CFAP46: variants seen among roughly 807,000 people sequenced by gnomAD.
The protein encoded by CFAP46 is cilia- and flagella-associated protein 46.
CFAP46 carries 245 observed loss-of-function variants against 325.7 expected under a neutral mutation model. That is an observed-to-expected ratio of 0.75 (90% CI 0.68 to 0.84). The LOEUF (loss-of-function observed/expected upper bound fraction) is 0.84, where lower values mean the gene tolerates loss of function less well. Ranked by LOEUF, CFAP46 falls within the 40% of genes least tolerant of loss-of-function variation. The pLI is 0.00. For synonymous variants in CFAP46, 1,523 were observed against 1,495.9 expected (o/e 1.02, Z -0.42); for missense variants, 3,346 against 3,543.0 (o/e 0.94, Z 1.41).
intron 13 of CFAP46, among the ~76,000 whole-genome samples, chr10:132,921,779 A>G: frequency 6.6e-6 from 1 of 152,324 alleles, no homozygotes; most frequent in East Asian, 1.9e-4. Flanking sequence ...GCCAAGGAAG[A>G]GCACTCAGGG....
chr10:132,808,527 CA>C lies in CFAP46; in HGVS notation c.8041del (p.Cys2681AlafsTer19). 1.9e-6 allele frequency: 3 copies of C among 1,613,114 alleles called. No individual in the cohort carries two copies. Among genetic ancestry groups the C allele is most frequent in the Non-Finnish European group, 2.5e-6 (3 of 1,179,998 alleles). ...CTTGTCCTGGCCCCGGGAAGAGACG[CA>C]GCTCCAGCCCCGACGCAGACCCCAT... ...APWGLRRGWS[C>X]VSSRGQDKGG... On this transcript the variant is annotated frameshift_variant, in exon 58 of 58. Transcript: ENST00000368586. LOFTEE classifies it low-confidence loss of function (END_TRUNC). This position sits in a 1 kb window ranked among gnomAD's most constrained non-coding sequence, Gnocchi z 6.8.
rs1013645863 is a variant in CFAP46 at position 132,869,877 on chromosome 10, A to C, written c.4512-505T>G. Among the ~76,000 whole-genome samples the C allele has an allele frequency of 5.3e-5, 8 of 152,142 alleles. No homozygotes were observed. The highest frequency in any genetic ancestry group is 1.9e-4 in the African/African-American group (8 of 41,444). ...TGAGCAAGCTGAGGATGCAACTTGCAGCCTTTCTCCCGGATCCTTCAGGGC... is the reference window on the plus strand; with the variant it reads ...TGAGCAAGCTGAGGATGCAACTTGCCGCCTTTCTCCCGGATCCTTCAGGGC... On this transcript the variant is annotated intron_variant, in intron 32 of 57. Coordinates refer to ENST00000368586, the MANE Select transcript of CFAP46 (RefSeq NM_001200049.3). The surrounding 1 kb of genome is among the most constrained non-coding windows in gnomAD (Gnocchi z 6.2).
chr10:132,908,992 G>T, intron 21 of CFAP46, 145 bp downstream of exon 21: 1 of 636,726 alleles, frequency 1.6e-6, no homozygotes, highest in Non-Finnish European at 2.7e-6. Context: ...TCGAGGGGGC[G>T]CAGCTCCGTT....
chr10:132,833,565 G>T, intron 49 of CFAP46, 40 bp from the exon 50 acceptor site: 1 of 1,589,200 alleles, frequency 6.3e-7, no homozygotes. Flanking sequence ...TCCTGAAGAC[G>T]GGACCCCTCC....
chr10:132,898,629 C>T (rs1161698687), intron 24 of CFAP46: 7 of 389,442 alleles, frequency 1.8e-5, no homozygotes, highest in South Asian at 1.3e-4. Context: ...GCAGGTGGGG[C>T]CTGTCCTCCC....
intron 38 of CFAP46, 127 bp from the exon 39 acceptor site, chr10:132,857,915 G>A: frequency 7.4e-6 from 6 of 807,180 alleles, no homozygotes; most frequent in Non-Finnish European, 9.5e-6. Context: ...TAGCTAACAT[G>A]TAAAGACATC....
chr10:132,844,583 G>T (rs527483734), intron 44 of CFAP46, among the ~76,000 whole-genome samples: 1 of 152,278 alleles, frequency 6.6e-6, no homozygotes, highest in South Asian at 2.1e-4. Flanking sequence ...CCTGAAACAG[G>T]AGGGCCTGAG....
intron 17 of CFAP46, among the ~76,000 whole-genome samples, chr10:132,915,072 A>AG (rs1849616094): frequency 6.6e-6 from 1 of 152,236 alleles, no homozygotes; most frequent in South Asian, 2.1e-4. Flanking sequence ...TTTTTCTATA[A>AG]GGGGCCAAAT....
chr10:132,867,777 T>C (rs1848838243), intron 33 of CFAP46, among the ~76,000 whole-genome samples: 1 of 152,150 alleles, frequency 6.6e-6, no homozygotes, highest in South Asian at 2.1e-4. Context: ...ACTCCATCTC[T>C]CCGGCGTGCC....
chr10:132,814,380 G>A, intron 53 of CFAP46, 126 bp from the exon 54 acceptor site: 1 of 1,032,122 alleles, frequency 9.7e-7, no homozygotes, highest in Non-Finnish European at 1.4e-6. Flanking sequence ...CCATGCCCGG[G>A]TGGGGTGATG....
intron 38 of CFAP46, among the ~76,000 whole-genome samples, chr10:132,858,242 G>T (rs1848671790): frequency 6.6e-6 from 1 of 152,286 alleles, no homozygotes; most frequent in South Asian, 2.1e-4. Context: ...TAGGTTGGGG[G>T]CAGGGCAGTG....
chr10:132,890,701 A>C (rs984989381), intron 25 of CFAP46, among the ~76,000 whole-genome samples: 2 of 151,868 alleles, frequency 1.3e-5, no homozygotes, highest in African/African-American at 4.8e-5. Flanking sequence ...CAGCAACCCT[A>C]GGATTAACCC....
Position 132,922,096 on chromosome 10 carries a change from G to C in CFAP46, c.1606+8C>G. ...TTCTGGGCTGGGAGAGCCCAGTGCA[G>C]AGCTCACCTTTGGCCTCATTCTCAC... On this transcript the variant is annotated splice_region_variant and intron_variant, in intron 13 of 57. Coordinates refer to ENST00000368586, the MANE Select transcript of CFAP46 (RefSeq NM_001200049.3). 2 of 1,549,762 alleles carry C rather than the reference G, an allele frequency of 1.3e-6. No homozygotes were observed. The highest frequency in any genetic ancestry group is 2.4e-5 in the South Asian group (2 of 84,046).
At position 132,808,954 on chromosome 10, in the gene CFAP46, C is replaced by A; in HGVS notation, c.7665-50G>T. The A allele has an allele frequency of 6.6e-7, 1 of 1,510,286 alleles. No homozygotes were observed. Among genetic ancestry groups the A allele is most frequent in the African/African-American group, 1.4e-5 (1 of 72,586 alleles). 93.6% of individuals were successfully genotyped at this position (1,510,286 alleles called of 1,614,324 possible). ...TGAACCCCGAGGCCCCGCAGGACGTCCAGCCCGGTGAGGACCAGGGCACAG... is the reference window on the plus strand; with the variant it reads ...TGAACCCCGAGGCCCCGCAGGACGTACAGCCCGGTGAGGACCAGGGCACAG... On this transcript the variant is annotated intron_variant, in intron 57 of 57. Coordinates refer to ENST00000368586, the MANE Select transcript of CFAP46 (RefSeq NM_001200049.3). The surrounding 1 kb of genome is among the most constrained non-coding windows in gnomAD (Gnocchi z 6.8).
chr10:132,855,018 C>A (rs983749039), intron 39 of CFAP46, among the ~76,000 whole-genome samples: 32 of 152,168 alleles, frequency 2.1e-4, no homozygotes, highest in Non-Finnish European at 5.9e-5. Context: ...GGTGAACGTT[C>A]TAGAAATATC....
Position 132,880,919 on chromosome 10 carries a change from C to G in CFAP46, c.3741G>C (p.Glu1247Asp). Residue 1247 changes from glutamate (E) to aspartate (D), a missense_variant, in exon 28 of 58, where the codon GAG (glutamate) becomes GAC (aspartate). Glu to Asp is a conservative substitution (Grantham distance 45). Coordinates refer to ENST00000368586, the MANE Select transcript of CFAP46 (RefSeq NM_001200049.3). Reference protein sequence around the residue: ...DVVFHLRWAVEILLAMKPPGD... With the variant: ...DVVFHLRWAVDILLAMKPPGD... The stretch of plus-strand genomic sequence containing the variant: ...CGGGCGGCTTCATGGCCAGCAGGAT[C>G]TCGACAGCCCAGCGGAGGTGGAAGA... The G allele has an allele frequency of 6.5e-7, 1 of 1,550,348 alleles. No homozygotes were observed. The highest frequency in any genetic ancestry group is 8.7e-7 in the Non-Finnish European group (1 of 1,146,914).
At chr10:132,837,948 C>T (rs1419393508) in intron 44 of CFAP46, among the ~76,000 whole-genome samples, 2 of 152,290 alleles carry the variant, frequency 1.3e-5, no homozygotes, top group African/African-American at 2.4e-5. Flanking sequence ...GACACAGACA[C>T]GCACGTGTAC....
chr10:132,918,859 A>G (rs903844587), intron 15 of CFAP46, among the ~76,000 whole-genome samples: 5 of 150,378 alleles, frequency 3.3e-5, no homozygotes, highest in African/African-American at 4.9e-5. Context: ...GGACTCCCAG[A>G]CCCCCTGTGC....
At chr10:132,903,446 T>A (rs886064206) in intron 22 of CFAP46, among the ~76,000 whole-genome samples, 1 of 151,920 alleles carries the variant, frequency 6.6e-6, no homozygotes, top group Non-Finnish European at 1.5e-5. Context: ...GACTCTTCCA[T>A]CCATCTGGGC....
Sources: gnomAD v4.1 joint callset for allele counts (sites outside exome capture counted in the v4.1 genomes callset) on GRCh38, gnomAD v4.1.1 for gene constraint, Gnocchi (gnomAD v3.1) non-coding constraint, MANE v1.5 for transcripts, NCBI Gene and HGNC (gene_info 2026-07-23, HGNC 2026-07-21) for gene names.